KIAA1671: variants seen among roughly 807,000 people sequenced by gnomAD.
KIAA1671 encodes uncharacterized protein KIAA1671.
In KIAA1671, 52 loss-of-function variants were observed where a neutral mutation model predicts 131.2. The ratio of observed to expected loss-of-function variants is 0.40; its 90% CI spans 0.32 to 0.50. The LOEUF (loss-of-function observed/expected upper bound fraction) is 0.50, where lower values mean the gene tolerates loss of function less well. Among genes scored for constraint, KIAA1671 ranks in the 20% least tolerant of loss-of-function variants. KIAA1671 has a pLI of 0.73. For missense variants in KIAA1671, 2,360 were observed against 2,364.2 expected (o/e 1.00, Z 0.04); for synonymous variants, 1,003 against 961.6 (o/e 1.04, Z -0.80).
chr22:25,124,628 A>T (rs964570417), intron 6 of KIAA1671, among the ~76,000 whole-genome samples: 4 of 152,218 alleles, frequency 2.6e-5, no homozygotes, highest in Non-Finnish European at 5.9e-5. Context: ...ACCCAGCATG[A>T]TGCCTGGAAC....
rs557404207 is a variant in KIAA1671 at position 24,997,374 on chromosome 22, G to A, written c.-207-28259G>A. Among the ~76,000 whole-genome samples, 5 of 152,238 alleles carry A rather than the reference G, an allele frequency of 3.3e-5. No individual in the cohort carries two copies. The South Asian group carries it at 1.0e-3, about 32-fold the overall frequency. On this transcript the variant is annotated intron_variant, in intron 1 of 12. Coordinates refer to ENST00000358431, the MANE Select transcript of KIAA1671 (RefSeq NM_001145206.2). ...GAGAAGGCGACTGGCAGCTTTCTGC[G>A]GGTCTCTTTCCCATCCCAGGATGGA...
At chr22:25,180,105 C>T (rs917691350) in intron 9 of KIAA1671, among the ~76,000 whole-genome samples, 2 of 129,052 alleles carry the variant, frequency 1.5e-5, no homozygotes, top group Non-Finnish European at 3.4e-5. Context: ...GTGGCAGGAG[C>T]ATCCCTAAAC....
chr22:25,112,965 G>A (rs538334961), intron 6 of KIAA1671, among the ~76,000 whole-genome samples: 1 of 152,152 alleles, frequency 6.6e-6, no homozygotes, highest in South Asian at 2.1e-4. Context: ...GAGTTTGCCC[G>A]CTGGCCGTGA....
At chr22:25,121,419 G>A (rs1291227249) in intron 6 of KIAA1671, among the ~76,000 whole-genome samples, 3 of 148,404 alleles carry the variant, frequency 2.0e-5, no homozygotes, top group Non-Finnish European at 4.4e-5. Context: ...CCAAGATCAC[G>A]CCACTGCACT....
Position 25,040,469 on chromosome 22 carries a change from G to A in KIAA1671, c.3339G>A (p.Gly1113=), listed in dbSNP as rs1448218189. Reference sequence around the variant, plus strand: ...CAACAGACCGTCCATCATCTCTTGGGGCCTGGAGTCTGGACCCTTTCAATG... The same window carrying A: ...CAACAGACCGTCCATCATCTCTTGGAGCCTGGAGTCTGGACCCTTTCAATG... ...LKPTDRPSSL[G]AWSLDPFNGR... is the part of the protein sequence containing the mutation. The change falls in exon 5 of 13, where the codon GGG becomes GGA. Residue 1113 remains glycine, a synonymous_variant. Coordinates refer to ENST00000358431, the MANE Select transcript of KIAA1671 (RefSeq NM_001145206.2). 7 of 1,551,856 alleles carry A rather than the reference G, an allele frequency of 4.5e-6. No homozygotes were observed. In the African/African-American group the frequency reaches 6.8e-5, roughly 15 times the overall value.
At chr22:25,065,689 G>A (rs1166573532) in intron 6 of KIAA1671, among the ~76,000 whole-genome samples, 1 of 151,424 alleles carries the variant, frequency 6.6e-6, no homozygotes, top group African/African-American at 2.4e-5. Flanking sequence ...GCCCAGGCTG[G>A]AGTGCAGTGG....
At chr22:25,044,520 C>T (rs1478697976) in intron 5 of KIAA1671, among the ~76,000 whole-genome samples, 4 of 152,056 alleles carry the variant, frequency 2.6e-5, no homozygotes, top group Admixed American at 6.5e-5. Context: ...GCACGCAGGC[C>T]CCAGCAGTGC....
chr22:25,000,767 C>T lies in KIAA1671; in HGVS notation c.-207-24866C>T, dbSNP rs896591321. ...CCTGGCCTCAAGTGAATCCGCCTGC[C>T]TCGGCCTCCGGAAGTGCAAGGATTA... On this transcript the variant is annotated intron_variant, in intron 1 of 12. Transcript: ENST00000358431. 7.9e-5 allele frequency among the ~76,000 whole-genome samples: 12 copies of T among 151,466 alleles called. 1 individual carries two copies. Among genetic ancestry groups the T allele is most frequent in the Non-Finnish European group, 1.6e-4 (11 of 67,948 alleles).
In KIAA1671 at chr22:25,029,293, G is replaced by A. The variant is rs1382812083; in HGVS notation, c.1294G>A (p.Ala432Thr). Residue 432 changes from alanine (A) to threonine (T), a missense_variant, in exon 3 of 13, where the codon GCC becomes ACC. This residue lies in a region of KIAA1671 where 1,185 missense variants were observed against 1,126.2 expected (regional missense o/e 1.05). Transcript: ENST00000358431. ...GGAGGCCGCGGCAGGGGGAGAGTGG[G>A]CCTCCAGGAGGAGTGTCAGGAAGTG... is the stretch of plus-strand genomic sequence containing the variant. ...DGEAAAGGEW[A>T]SRRSVRKCIS... 1.5e-5 allele frequency: 23 copies of A among 1,520,734 alleles called. No individual in the cohort carries two copies. Among genetic ancestry groups the A allele is most frequent in the East Asian group, 4.9e-5 (2 of 40,560 alleles). The allele number at this position is 1,520,734 out of a possible 1,614,324, so 94.2% of individuals were successfully genotyped here. A position where few individuals can be genotyped will look rare whatever the true frequency, so the allele number is the denominator to read the frequency against.
intron 10 of KIAA1671, among the ~76,000 whole-genome samples, chr22:25,183,580 G>A (rs1018884374): frequency 1.3e-5 from 2 of 150,462 alleles, no homozygotes; most frequent in African/African-American, 4.9e-5. Context: ...CCAGGCTAGA[G>A]TGCAGTGGTG....
intron 2 of KIAA1671, among the ~76,000 whole-genome samples, 157 bp downstream of exon 2, chr22:25,025,941 CAG>C (rs1426097953): frequency 6.6e-6 from 1 of 152,164 alleles, no homozygotes; most frequent in Non-Finnish European, 1.5e-5. Flanking sequence ...TATCCTCAAT[CAG>C]GGTTTCCAGA....
intron 6 of KIAA1671, among the ~76,000 whole-genome samples, chr22:25,107,876 T>C (rs989497585): frequency 2.0e-5 from 3 of 151,926 alleles, no homozygotes; most frequent in African/African-American, 4.8e-5. Flanking sequence ...GGCGTGGTGG[T>C]GCACACCTGT....
chr22:25,189,701 G>C (rs185295098), intron 11 of KIAA1671, among the ~76,000 whole-genome samples: 2 of 152,236 alleles, frequency 1.3e-5, no homozygotes, highest in Non-Finnish European at 2.9e-5. Context: ...TGGATAGAGA[G>C]ATGGAAGGAT....
intron 6 of KIAA1671, chr22:25,110,812 C>T (rs713989): frequency 0.74 from 113,249 of 152,378 alleles, 43,098 homozygotes; most frequent in African/African-American, 0.91. Flanking sequence ...CTAGTGTAAA[C>T]CATGAATCAT....
intron 1 of KIAA1671, among the ~76,000 whole-genome samples, chr22:24,972,009 G>A (rs1922639799): frequency 6.6e-6 from 1 of 152,162 alleles, no homozygotes; most frequent in Non-Finnish European, 1.5e-5. Context: ...CTTCTACCTG[G>A]TCAGGGCTTT....
At chr22:25,112,599 A>G (rs765667940) in intron 6 of KIAA1671, 120 of 392,464 alleles carry the variant, frequency 3.1e-4, no homozygotes, top group Non-Finnish European at 4.1e-4. Flanking sequence ...AAGCCCAGGC[A>G]CTTCCTGTCC....
intron 9 of KIAA1671, among the ~76,000 whole-genome samples, chr22:25,179,782 G>C (rs917639121): frequency 2.6e-5 from 4 of 152,196 alleles, no homozygotes; most frequent in Non-Finnish European, 4.4e-5. Context: ...ATCCACCCCT[G>C]TATTCTCTTT....
chr22:25,126,511 T>C (rs920471477), intron 6 of KIAA1671, among the ~76,000 whole-genome samples: 2 of 152,206 alleles, frequency 1.3e-5, no homozygotes, highest in Non-Finnish European at 2.9e-5. Context: ...TCATTATCCA[T>C]AAATGTTTTT....
chr22:25,123,263 C>T (rs375499465), intron 6 of KIAA1671, among the ~76,000 whole-genome samples: 89 of 141,356 alleles, frequency 6.3e-4, no homozygotes, highest in African/African-American at 2.3e-3. Context: ...ATGACGCAAT[C>T]TCGGCTCACT....
Sources: allele counts gnomAD v4.1 joint callset (sites outside exome capture counted in the v4.1 genomes callset), GRCh38; gene constraint gnomAD v4.1.1; regional missense constraint gnomAD v4.1.1; transcripts MANE v1.5; gene names NCBI Gene and HGNC (gene_info 2026-07-23, HGNC 2026-07-21).